The following PACRG variants were observed in gnomAD, a reference collection of about 807,000 sequenced individuals.
PACRG encodes parkin coregulated gene protein.
PACRG carries 29 observed loss-of-function variants against 29.7 expected under a neutral mutation model. That is an observed-to-expected ratio of 0.98 (90% CI 0.73 to 1.33). The LOEUF (loss-of-function observed/expected upper bound fraction) is 1.33. PACRG is among the 40% of genes most tolerant of loss of function. The pLI, the probability that PACRG is intolerant of heterozygous loss-of-function variation, is 0.00. For missense variants in PACRG, 279 were observed against 316.2 expected (o/e 0.88, Z 0.89); for synonymous variants, 116 against 118.7 (o/e 0.98, Z 0.15).
At chr6:162,966,380 G>C (rs1320874943) in intron 2 of PACRG, among the ~76,000 whole-genome samples, 2 of 151,966 alleles carry the variant, frequency 1.3e-5, no homozygotes, top group African/African-American at 4.8e-5. Context: ...TGTTATTTCT[G>C]TTTTGTTGAC....
intron 2 of PACRG, among the ~76,000 whole-genome samples, chr6:162,919,147 C>T (rs1488640921): frequency 6.6e-6 from 1 of 152,134 alleles, no homozygotes; most frequent in Non-Finnish European, 1.5e-5. Context: ...TAACAAGTAG[C>T]AGTTTACGAG....
intron 2 of PACRG, among the ~76,000 whole-genome samples, chr6:162,868,010 C>T (rs887173146): frequency 5.9e-5 from 9 of 152,202 alleles, no homozygotes; most frequent in African/African-American, 2.4e-5. Context: ...GTATTGCAGG[C>T]GCCATTTACC....
intron 2 of PACRG, among the ~76,000 whole-genome samples, chr6:162,896,395 A>T (rs1795166511): frequency 6.6e-6 from 1 of 152,212 alleles, no homozygotes; most frequent in Non-Finnish European, 1.5e-5. Flanking sequence ...GTGCTGACTT[A>T]CCAGGAGTTA....
At chr6:163,112,900 CTG>C (rs1201741501) in intron 4 of PACRG, among the ~76,000 whole-genome samples, 1 of 152,174 alleles carries the variant, frequency 6.6e-6, no homozygotes, top group African/African-American at 2.4e-5. Flanking sequence ...TCAATGGAAA[CTG>C]TCCCTAAGAA....
chr6:162,996,481 G>T (rs1319158118), intron 2 of PACRG, among the ~76,000 whole-genome samples: 2 of 152,002 alleles, frequency 1.3e-5, no homozygotes, highest in African/African-American at 4.8e-5. Context: ...TATACACAAA[G>T]ATGCTCTAGG....
chr6:162,818,390 G>C (rs946683993), intron 2 of PACRG, among the ~76,000 whole-genome samples: 1 of 152,136 alleles, frequency 6.6e-6, no homozygotes, highest in African/African-American at 2.4e-5. Context: ...GGTGATCGGG[G>C]TGGGGACGGG....
At chr6:162,915,456 G>A (rs1015611363) in intron 2 of PACRG, among the ~76,000 whole-genome samples, 1 of 151,884 alleles carries the variant, frequency 6.6e-6, no homozygotes, top group East Asian at 1.9e-4. Flanking sequence ...AACACCAGGA[G>A]CCTGGCCATT....
intron 2 of PACRG, among the ~76,000 whole-genome samples, chr6:162,886,579 A>C (rs940327141): frequency 6.6e-5 from 10 of 152,194 alleles, no homozygotes. Context: ...AGAATCAGAA[A>C]ACATTTCCTG....
chr6:162,825,456 A>G (rs376861750), intron 2 of PACRG, among the ~76,000 whole-genome samples: 17 of 152,134 alleles, frequency 1.1e-4, no homozygotes, highest in South Asian at 8.3e-4. Context: ...GATTTCCTCA[A>G]CTCTGTCTTC....
At chr6:162,978,156 AAT>A (rs1295826280) in intron 2 of PACRG, among the ~76,000 whole-genome samples, 2 of 152,134 alleles carry the variant, frequency 1.3e-5, no homozygotes, top group African/African-American at 4.8e-5. Context: ...AAAAAAAAAA[AAT>A]GTTTATAACA....
intron 4 of PACRG, among the ~76,000 whole-genome samples, chr6:163,257,800 G>T (rs1783174423): frequency 6.6e-6 from 1 of 152,160 alleles, no homozygotes; most frequent in Admixed American, 6.5e-5. Flanking sequence ...TATTGCCAAG[G>T]GTCTCTTGTG....
At chr6:163,108,576 T>C (rs1420557714) in intron 4 of PACRG, among the ~76,000 whole-genome samples, 2 of 151,794 alleles carry the variant, frequency 1.3e-5, no homozygotes, top group African/African-American at 4.8e-5. Flanking sequence ...TTTTGTCTTT[T>C]TAGTAGACAC....
At chr6:163,066,939 T>G (rs962244948) in intron 3 of PACRG, among the ~76,000 whole-genome samples, 7 of 152,166 alleles carry the variant, frequency 4.6e-5, no homozygotes, top group Admixed American at 6.5e-5. Flanking sequence ...CAACAAAAAT[T>G]TAATAGTCAT....
intron 2 of PACRG, among the ~76,000 whole-genome samples, chr6:162,918,750 AC>A (rs1796868658): frequency 6.6e-6 from 1 of 152,200 alleles, no homozygotes; most frequent in African/African-American, 2.4e-5. Context: ...AAAGTATGCC[AC>A]CCCAAAGCAG....
intron 2 of PACRG, among the ~76,000 whole-genome samples, chr6:162,999,227 C>T (rs1360623190): frequency 2.0e-5 from 3 of 152,170 alleles, no homozygotes; most frequent in Non-Finnish European, 4.4e-5. Flanking sequence ...AAGCCCCATT[C>T]TTATTGGTAG....
At chr6:163,094,313 C>T (rs760081475) in intron 4 of PACRG, among the ~76,000 whole-genome samples, 3 of 152,180 alleles carry the variant, frequency 2.0e-5, no homozygotes, top group South Asian at 2.1e-4. Context: ...AAATTTACTT[C>T]GAAGTCCCTT....
chr6:163,056,813 C>T (rs1331512662), intron 2 of PACRG, among the ~76,000 whole-genome samples: 1 of 152,200 alleles, frequency 6.6e-6, no homozygotes. Flanking sequence ...CTTCCATGCT[C>T]CACCCCTCTA....
chr6:162,964,440 A>G (rs933044507), intron 2 of PACRG, among the ~76,000 whole-genome samples: 3 of 152,194 alleles, frequency 2.0e-5, no homozygotes, highest in African/African-American at 4.8e-5. Flanking sequence ...TTCACTAAAG[A>G]TGTGATTTTA....
In PACRG at chr6:162,854,166, G is replaced by GTTTT. The variant is rs60399122; in HGVS notation, c.291+39896_291+39899dup. Among the ~76,000 whole-genome samples the GTTTT allele has an allele frequency of 2.9e-5, 4 of 140,284 alleles. 1 individual carries two copies. The South Asian group carries it at 6.7e-4, about 24-fold the overall frequency. The allele number at this position is 140,284 out of a possible 152,430, so 92.0% of individuals were successfully genotyped here. A position where few individuals can be genotyped will look rare whatever the true frequency, so the allele number is the denominator to read the frequency against. ...GGGAGAAGGAGACCATTTTCTTTCT[G>GTTTT]TTTTTTTTTTTTTTAATTGAATGAT... On this transcript the variant is annotated intron_variant, in intron 2 of 4. Transcript: ENST00000366888.
Sources: allele counts gnomAD v4.1 joint callset (sites outside exome capture counted in the v4.1 genomes callset), GRCh38; gene constraint gnomAD v4.1.1; transcripts MANE v1.5; gene names NCBI Gene and HGNC (gene_info 2026-07-23, HGNC 2026-07-21).